CCDC180: variants seen among roughly 807,000 people sequenced by gnomAD.
The protein encoded by CCDC180 is coiled-coil domain containing 180, also known as coiled-coil domain-containing protein 180.
In CCDC180, 154 loss-of-function variants were observed where a neutral mutation model predicts 209.2. The observed-to-expected ratio is 0.74, with a 90% CI of 0.65 to 0.84. CCDC180 has a LOEUF of 0.84. CCDC180 is among the 40% of genes least tolerant of loss of function. CCDC180 has a pLI of 0.00. For synonymous variants in CCDC180, 778 were observed against 749.1 expected (o/e 1.04, Z -0.63); for missense variants, 1,874 against 1,997.3 (o/e 0.94, Z 1.18).
At chr9:97,347,566 C>T (rs1587817891) in intron 20 of CCDC180, 77 bp downstream of exon 20, 1 of 1,334,980 alleles carries the variant, frequency 7.5e-7, no homozygotes, top group African/African-American at 1.5e-5. Context: ...GCTCCATGTT[C>T]ATTAGCTGCC....
chr9:97,357,899 A>G, intron 25 of CCDC180, 174 bp downstream of exon 25: 1 of 544,132 alleles, frequency 1.8e-6, no homozygotes, highest in Non-Finnish European at 3.2e-6. Context: ...GAAGAAAGGA[A>G]CAAAAGAGAA....
intron 34 of CCDC180, chr9:97,372,445 T>G (rs566144040): frequency 1.3e-5 from 2 of 152,228 alleles, no homozygotes; most frequent in Non-Finnish European, 2.9e-5. Flanking sequence ...CTAGCACGTC[T>G]AATTCTAGGA....
chr9:97,309,194 A>G (rs1832898972), intron 2 of CCDC180, among the ~76,000 whole-genome samples: 2 of 152,188 alleles, frequency 1.3e-5, no homozygotes, highest in African/African-American at 4.8e-5. Flanking sequence ...ATCTTCATTT[A>G]AGGTTCTTAG....
intron 8 of CCDC180, 82 bp downstream of exon 8, chr9:97,315,028 T>C (rs1029553281): frequency 2.9e-6 from 3 of 1,036,134 alleles, no homozygotes; most frequent in Non-Finnish European, 1.5e-6. Flanking sequence ...GCCTGGTGTC[T>C]GGTGTCTCAG....
intron 3 of CCDC180, among the ~76,000 whole-genome samples, chr9:97,311,441 G>A (rs1416719290): frequency 6.6e-6 from 1 of 152,192 alleles, no homozygotes; most frequent in East Asian, 1.9e-4. Flanking sequence ...GAATAGCAGC[G>A]GTTGCTGGGA....
intron 34 of CCDC180, 47 bp downstream of exon 34, chr9:97,371,753 A>G: frequency 1.5e-6 from 2 of 1,300,944 alleles, no homozygotes; most frequent in Non-Finnish European, 2.2e-6. Flanking sequence ...GGGGCTGGTG[A>G]GGGCTAGGTT....
intron 13 of CCDC180, 119 bp from the exon 14 acceptor site, chr9:97,324,900 G>T (rs993616929): frequency 1.4e-4 from 133 of 920,686 alleles, no homozygotes; most frequent in Non-Finnish European, 8.9e-5. Flanking sequence ...TGACCTTGAG[G>T]GACGGTGTCT....
chr9:97,376,895 C>A lies in CCDC180; in HGVS notation c.*1C>A, dbSNP rs1470666758. ...CACTATCCAAGGCCTGTATGTGTGA[C>A]CCTCCGCCCCACCATGAATAAACAC... On this transcript the variant is annotated 3_prime_UTR_variant, in exon 37 of 37. Transcript: ENST00000529487. 5.6e-6 allele frequency: 9 copies of A among 1,610,058 alleles called. No individual in the cohort carries two copies. The highest frequency in any genetic ancestry group is 3.4e-5 in the Admixed American group (2 of 59,688).
Position 97,340,164 on chromosome 9 carries a change from A to G in CCDC180, c.2275-3176A>G, listed in dbSNP as rs552051771. ...AACTTTCTGAAGCCTACTTCTGTCA[A>G]CTCGTCAAAGTCATTCTCCATCCTG... On this transcript the variant is annotated intron_variant, in intron 18 of 36. Coordinates refer to ENST00000529487, the MANE Select transcript of CCDC180 (RefSeq NM_020893.6). Among the ~76,000 whole-genome samples, 9 of 152,248 alleles carry G rather than the reference A, an allele frequency of 5.9e-5. No homozygotes were observed. The South Asian group carries it at 8.3e-4, about 14-fold the overall frequency.
At chr9:97,358,521 G>T (rs560682499) in intron 25 of CCDC180, among the ~76,000 whole-genome samples, 3 of 152,156 alleles carry the variant, frequency 2.0e-5, no homozygotes, top group East Asian at 3.9e-4. Flanking sequence ...GGTTCCAAGC[G>T]TTCGCCTGGC....
intron 11 of CCDC180, 53 bp from the exon 12 acceptor site, chr9:97,322,780 T>A: frequency 6.5e-7 from 1 of 1,530,446 alleles, no homozygotes; most frequent in Non-Finnish European, 9.0e-7. Context: ...ACACTCCCCT[T>A]TCTAATCTTC....
chr9:97,362,010 C>G (rs1359802437), intron 27 of CCDC180, 112 bp downstream of exon 27: 2 of 1,395,070 alleles, frequency 1.4e-6, no homozygotes, highest in African/African-American at 2.9e-5. Flanking sequence ...GAGTCCACCC[C>G]TGAGAGCCTG....
intron 4 of CCDC180, among the ~76,000 whole-genome samples, chr9:97,312,733 G>C (rs1040480608): frequency 1.3e-5 from 2 of 150,696 alleles, no homozygotes; most frequent in Non-Finnish European, 3.0e-5. Context: ...TTTCCACCTG[G>C]ATAAAGGGGA....
chr9:97,351,919 C>G (rs936846535), intron 22 of CCDC180, among the ~76,000 whole-genome samples: 3 of 152,090 alleles, frequency 2.0e-5, no homozygotes, highest in African/African-American at 4.8e-5. Flanking sequence ...TCGAGAGTAG[C>G]CTTGCCAACA....
intron 14 of CCDC180, 83 bp from the exon 15 acceptor site, chr9:97,326,471 C>T (rs1470301310): frequency 8.6e-6 from 7 of 811,734 alleles, no homozygotes; most frequent in Non-Finnish European, 1.5e-5. Flanking sequence ...TCAGTTCCAG[C>T]AGCAGGGTCC....
Position 97,317,174 on chromosome 9 carries a change from G to C in CCDC180, c.905G>C (p.Gly302Ala). 6.2e-7 allele frequency: 1 copy of C among 1,612,886 alleles called. No homozygotes were observed. The highest frequency in any genetic ancestry group is 8.5e-7 in the Non-Finnish European group (1 of 1,179,332). Reference sequence around the variant, plus strand: ...CTGGACAGCCGCCACCGCTGGCAAGGCTTGGTGGACACCTGGAAGGCTCTC... The same window carrying C: ...CTGGACAGCCGCCACCGCTGGCAAGCCTTGGTGGACACCTGGAAGGCTCTC... ...QELDSRHRWQGLVDTWKALKK... is the reference protein window; with the variant it reads ...QELDSRHRWQALVDTWKALKK... The change falls in exon 9 of 37, where the codon GGC becomes GCC. Residue 302 changes from glycine to alanine, a missense_variant. Transcript: ENST00000529487.
chr9:97,376,430 G>A lies in CCDC180; in HGVS notation c.4843-333G>A, dbSNP rs188586797. 13 of 175,738 alleles carry A rather than the reference G, an allele frequency of 7.4e-5. No individual in the cohort carries two copies. In the East Asian group the frequency reaches 1.6e-3, roughly 21 times the overall value. 10.9% of individuals were successfully genotyped at this position (175,738 alleles called of 1,614,324 possible). On this transcript the variant is annotated intron_variant, in intron 36 of 36. Coordinates refer to ENST00000529487, the MANE Select transcript of CCDC180 (RefSeq NM_020893.6). Reference sequence around the variant, plus strand: ...GGAAGGCCCAGCCTACCAAAAAATCGGGAGCCCTGAGCTCCCGAGAGGCCA... The same window carrying A: ...GGAAGGCCCAGCCTACCAAAAAATCAGGAGCCCTGAGCTCCCGAGAGGCCA...
At chr9:97,326,325 G>A (rs569800029) in intron 14 of CCDC180, among the ~76,000 whole-genome samples, 2 of 152,306 alleles carry the variant, frequency 1.3e-5, no homozygotes, top group African/African-American at 2.4e-5. Flanking sequence ...GTTCCCTAGG[G>A]GTATGATGTG....
intron 4 of CCDC180, 27 bp from the exon 5 acceptor site, chr9:97,313,209 C>A: frequency 6.7e-7 from 1 of 1,502,116 alleles, no homozygotes; most frequent in Non-Finnish European, 9.2e-7. Context: ...TGAAGGCAGC[C>A]TCATCACCTC....
Sources: gnomAD v4.1 joint callset for allele counts (sites outside exome capture counted in the v4.1 genomes callset) on GRCh38, gnomAD v4.1.1 for gene constraint, MANE v1.5 for transcripts, NCBI Gene and HGNC (gene_info 2026-07-23, HGNC 2026-07-21) for gene names.